The following ASGR2 variants were observed in gnomAD, a reference collection of about 807,000 sequenced individuals.
The protein encoded by ASGR2 is C-type lectin domain family 4 member H2.
Under a neutral mutation model 32.3 loss-of-function variants are expected in ASGR2, and 34 were observed. That is an observed-to-expected ratio of 1.05 (90% confidence interval 0.80 to 1.40). ASGR2 has a LOEUF of 1.40. ASGR2 is among the 40% of genes most tolerant of loss of function. ASGR2 has a pLI of 0.00. For missense variants in ASGR2, 385 were observed against 386.4 expected (o/e 1.00, Z 0.03); for synonymous variants, 143 against 150.0 (o/e 0.95, Z 0.34).
intron 7 of ASGR2, among the ~76,000 whole-genome samples, chr17:7,103,451 C>T (rs1037340453): frequency 4.6e-5 from 7 of 152,152 alleles, no homozygotes; most frequent in African/African-American, 1.4e-4. Flanking sequence ...CCCATCACCA[C>T]GAGAAACAGA....
At chr17:7,109,698 TCACA>T (rs1330959635) in intron 2 of ASGR2, among the ~76,000 whole-genome samples, 3 of 151,332 alleles carry the variant, frequency 2.0e-5, no homozygotes, top group Non-Finnish European at 4.4e-5. Context: ...TCACACACAC[TCACA>T]CACTCACACA....
intron 2 of ASGR2, among the ~76,000 whole-genome samples, chr17:7,109,727 C>A (rs1914381651): frequency 6.6e-6 from 1 of 152,020 alleles, no homozygotes; most frequent in African/African-American, 2.4e-5. Context: ...TCACTTCACT[C>A]AAAAACACAC....
intron 2 of ASGR2, among the ~76,000 whole-genome samples, chr17:7,111,643 G>C (rs1170400851): frequency 6.8e-6 from 1 of 147,302 alleles, no homozygotes; most frequent in East Asian, 2.0e-4. Context: ...GCAACAGAGC[G>C]AGACTCCGCC....
rs4796386 is a variant in ASGR2 at position 7,114,675 on chromosome 17, G to A, written c.-131C>T. 3.4e-3 allele frequency: 3,490 copies of A among 1,024,686 alleles called. 39 individuals are homozygous for A. The East Asian group carries it at 0.062, about 18-fold the overall frequency. 63.5% of individuals were successfully genotyped at this position (1,024,686 alleles called of 1,614,324 possible). On this transcript the variant is annotated 5_prime_UTR_variant, in exon 1 of 9. Coordinates refer to ENST00000691900, the MANE Select transcript of ASGR2 (RefSeq NM_001201352.2). The surrounding 1 kb of genome is among the most constrained non-coding windows in gnomAD (Gnocchi z 4.5). ...GCAGGCAACCCTGGCCTTGGCCAAGGAGGGGTTAAAGCCAGGAGAACTGGG... is the reference window on the plus strand; with the variant it reads ...GCAGGCAACCCTGGCCTTGGCCAAGAAGGGGTTAAAGCCAGGAGAACTGGG...
chr17:7,102,999 G>T (rs538040617), intron 7 of ASGR2, among the ~76,000 whole-genome samples: 2 of 152,288 alleles, frequency 1.3e-5, no homozygotes, highest in South Asian at 4.1e-4. Flanking sequence ...CCTCCAAGTG[G>T]CTTTCTCTTA....
rs772147310 is a variant in ASGR2, at chr17:7,108,513, T to C, written c.286A>G (p.Ser96Gly). ...GTCAGGGTGCTCGAGGAGAAGTTGC[T>C]GAAAGCTTCCTTCAGGCTCCGCAGC... The part of the protein sequence containing the change: ...AELRSLKEAF[S>G]NFSSSTLTEV... Residue 96 changes from serine to glycine, a missense_variant, in exon 4 of 9, where the codon AGC becomes GGC. By Grantham distance (56) the Ser-to-Gly change is moderately conservative. Transcript: ENST00000691900. This position sits in a 1 kb window ranked among gnomAD's most constrained non-coding sequence, Gnocchi z 4.9. 6.2e-7 allele frequency: 1 copy of C among 1,610,330 alleles called. No homozygotes were observed. The highest frequency in any genetic ancestry group is 1.3e-5 in the African/African-American group (1 of 74,892).
intron 2 of ASGR2, among the ~76,000 whole-genome samples, chr17:7,109,845 CCA>C (rs1216156249): frequency 6.6e-6 from 1 of 151,962 alleles, no homozygotes; most frequent in Non-Finnish European, 1.5e-5. Context: ...CCTGACACAC[CCA>C]CACACGTACA....
In ASGR2 at chr17:7,101,531, G is replaced by A. The variant is rs781583696; in HGVS notation, c.*44C>T. The A allele has an allele frequency of 6.3e-7, 1 of 1,592,402 alleles. No individual in the cohort carries two copies. Among genetic ancestry groups the A allele is most frequent in the Admixed American group, 1.7e-5 (1 of 58,328 alleles). ...CAAAATCCTCAACAGAGAAGCCAGA[G>A]CTGGGCAGGTGTGGGGTATGGGTTA... On this transcript the variant is annotated 3_prime_UTR_variant, in exon 9 of 9. Transcript: ENST00000691900.
At chr17:7,105,291 G>T (rs892117506) in intron 7 of ASGR2, among the ~76,000 whole-genome samples, 1 of 152,028 alleles carries the variant, frequency 6.6e-6, no homozygotes, top group Non-Finnish European at 1.5e-5. Context: ...AAGGACTAGG[G>T]TTAAACATAT....
chr17:7,106,515 T>C (rs1158653549), intron 7 of ASGR2, among the ~76,000 whole-genome samples: 1 of 152,224 alleles, frequency 6.6e-6, no homozygotes, highest in African/African-American at 2.4e-5. Context: ...GTACTCACAG[T>C]ATGCTGTAAA....
intron 8 of ASGR2, 84 bp from the exon 9 acceptor site, chr17:7,101,824 C>T: frequency 1.3e-6 from 2 of 1,520,226 alleles, no homozygotes; most frequent in Non-Finnish European, 1.8e-6. Context: ...TGACCATTTT[C>T]CTTGAAGGCC....
At position 7,113,307 on chromosome 17, in the gene ASGR2, T is replaced by C. The variant is rs483983; in HGVS notation, c.124+810A>G. 0.38 allele frequency among the ~76,000 whole-genome samples: 28,832 copies of C among 75,972 alleles called. 2,763 individuals carry two copies. The highest frequency in any genetic ancestry group is 0.45 in the African/African-American group (8,663 of 19,278). The allele number at this position is 75,972 out of a possible 152,430, so 49.8% of individuals were successfully genotyped here. On this transcript the variant is annotated intron_variant, in intron 2 of 8. Coordinates refer to ENST00000691900, the MANE Select transcript of ASGR2 (RefSeq NM_001201352.2). This position sits in a 1 kb window ranked among gnomAD's most constrained non-coding sequence, Gnocchi z 5.1. ...CTCTACACACACACACACACACACA[T>C]ACAATCACATACACACACTAACACA... is the stretch of plus-strand genomic sequence containing the variant.
At position 7,107,007 on chromosome 17, in the gene ASGR2, T is replaced by A. The variant is rs1293811657; in HGVS notation, c.641A>T (p.Glu214Val). 4 of 1,613,848 alleles carry A rather than the reference T, an allele frequency of 2.5e-6. No homozygotes were observed. The highest frequency in any genetic ancestry group is 1.6e-4 in the Middle Eastern group (1 of 6,062). Reference protein sequence around the residue: ...NAHLVVINSWEEQKFIVQHTN... With the variant: ...NAHLVVINSWVEQKFIVQHTN... ...TGGGAAGCGTGGCCTCACCTGCTCC[T>A]CCCAGGAGTTGATGACCACCAGGTG... is the stretch of plus-strand genomic sequence containing the variant. The change falls in exon 7 of 9, where the codon GAG becomes GTG. Residue 214 changes from glutamate (E) to valine (V), a missense_variant. Glu to Val is a moderately radical substitution (Grantham distance 121). Coordinates refer to ENST00000691900, the MANE Select transcript of ASGR2 (RefSeq NM_001201352.2). This position sits in a 1 kb window ranked among gnomAD's most constrained non-coding sequence, Gnocchi z 5.0.
chr17:7,104,014 G>T (rs1913234999), intron 7 of ASGR2, among the ~76,000 whole-genome samples: 2 of 149,268 alleles, frequency 1.3e-5, no homozygotes, highest in African/African-American at 5.0e-5. Flanking sequence ...AAAAAAAAGA[G>T]AACATGATAA....
rs1454808826 is a variant in ASGR2 at position 7,102,081 on chromosome 17, G to C, written c.755+9C>G. 1 of 1,609,748 alleles carries C rather than the reference G, an allele frequency of 6.2e-7. No homozygotes were observed. The highest frequency in any genetic ancestry group is 8.5e-7 in the Non-Finnish European group (1 of 1,176,010). ...ATCTAACAAGGAGATGAGGGAAGAGGCCACTTACTTGTAGTTGTGCCTATA... is the reference window on the plus strand; with the variant it reads ...ATCTAACAAGGAGATGAGGGAAGAGCCCACTTACTTGTAGTTGTGCCTATA... On this transcript the variant is annotated intron_variant, in intron 8 of 8. Transcript: ENST00000691900.
Position 7,108,643 on chromosome 17 carries a change from C to T in ASGR2, c.242-86G>A. On this transcript the variant is annotated intron_variant, in intron 3 of 8. Coordinates refer to ENST00000691900, the MANE Select transcript of ASGR2 (RefSeq NM_001201352.2). The surrounding 1 kb of genome is among the most constrained non-coding windows in gnomAD (Gnocchi z 4.9). ...TGTGACTGGCCCCTCAATGTCCCCG[C>T]ATTTGCCCCAGCTTGTGCTCCACCC... is the stretch of plus-strand genomic sequence containing the variant. 1 of 1,601,682 alleles carries T rather than the reference C, an allele frequency of 6.2e-7. No individual in the cohort carries two copies. Among genetic ancestry groups the T allele is most frequent in the African/African-American group, 1.3e-5 (1 of 74,868 alleles).
At chr17:7,106,798 G>A (rs768874400) in intron 7 of ASGR2, among the ~76,000 whole-genome samples, 2 of 152,052 alleles carry the variant, frequency 1.3e-5, no homozygotes, top group African/African-American at 2.4e-5. Context: ...CAGCACTTTG[G>A]GAGGCCGAGG....
Position 7,107,148 on chromosome 17 carries a change from G to T in ASGR2, c.500C>A (p.Ser167Tyr), listed in dbSNP as rs1330785223. 7 of 1,614,156 alleles carry T rather than the reference G, an allele frequency of 4.3e-6. No homozygotes were observed. The highest frequency in any genetic ancestry group is 5.1e-6 in the Non-Finnish European group (6 of 1,180,018). Residue 167 changes from serine (S) to tyrosine (Y), a missense_variant, in exon 7 of 9, where the codon TCC (serine) becomes TAC (tyrosine). By Grantham distance (144) the Ser-to-Tyr change is moderately radical. Coordinates refer to ENST00000691900, the MANE Select transcript of ASGR2 (RefSeq NM_001201352.2). This position sits in a 1 kb window ranked among gnomAD's most constrained non-coding sequence, Gnocchi z 5.0. ...GTTGACGGGGCAGCAGGTCCTTTGG[G>T]AGCCTGAGGGGACAGGGGGCAGGGA... is the stretch of plus-strand genomic sequence containing the variant. Reference protein sequence around the residue: ...CQMELLHSNGSQRTCCPVNWV... With the variant: ...CQMELLHSNGYQRTCCPVNWV...
At chr17:7,109,870 C>T (rs559236827) in intron 2 of ASGR2, among the ~76,000 whole-genome samples, 9 of 152,268 alleles carry the variant, frequency 5.9e-5, no homozygotes, top group South Asian at 2.1e-4. Context: ...CACACACCCA[C>T]GTCTTCCTGC....
Sources: gnomAD v4.1 joint callset for allele counts (sites outside exome capture counted in the v4.1 genomes callset) on GRCh38, gnomAD v4.1.1 for gene constraint, Gnocchi (gnomAD v3.1) non-coding constraint, MANE v1.5 for transcripts, NCBI Gene and HGNC (gene_info 2026-07-23, HGNC 2026-07-21) for gene names.